The following HERC4 variants were observed in gnomAD, a reference collection of about 807,000 sequenced individuals.
The protein encoded by HERC4 is HECT and RLD domain containing E3 ubiquitin protein ligase 4.
Under a neutral mutation model 124.3 loss-of-function variants are expected in HERC4, and 28 were observed. The observed-to-expected ratio is 0.23, with a 90% CI of 0.17 to 0.31. The LOEUF (loss-of-function observed/expected upper bound fraction) is 0.31, where lower values mean the gene tolerates loss of function less well. Among genes scored for constraint, HERC4 ranks in the 10% least tolerant of loss-of-function variants. The pLI is 1.00. For synonymous variants in HERC4, 407 were observed against 421.5 expected (o/e 0.97, Z 0.42); for missense variants, 713 against 1,229.3 (o/e 0.58, Z 6.28).
At chr10:68,043,985 C>T (rs2039899955) in intron 4 of HERC4, among the ~76,000 whole-genome samples, 1 of 151,992 alleles carries the variant, frequency 6.6e-6, no homozygotes, top group Non-Finnish European at 1.5e-5. Flanking sequence ...TTACAGTAAG[C>T]ATGTTGGACT....
chr10:68,028,090 G>A (rs561784523), intron 7 of HERC4, among the ~76,000 whole-genome samples: 2 of 149,786 alleles, frequency 1.3e-5, no homozygotes, highest in East Asian at 3.9e-4. Flanking sequence ...ATTTCATCAG[G>A]GAGTGTAAAA....
intron 3 of HERC4, among the ~76,000 whole-genome samples, chr10:68,053,769 GT>G (rs1402787433): frequency 2.0e-5 from 3 of 152,196 alleles, no homozygotes; most frequent in African/African-American, 7.2e-5. Context: ...GTATTTGGCA[GT>G]TCTGTGAATG....
chr10:68,037,527 T>A (rs566444382), intron 5 of HERC4, among the ~76,000 whole-genome samples: 1 of 152,328 alleles, frequency 6.6e-6, no homozygotes, highest in East Asian at 1.9e-4. Context: ...ATAAATATGA[T>A]GTTTAGCCTT....
At chr10:68,010,283 G>T (rs2037864019) in intron 9 of HERC4, 2 of 983,854 alleles carry the variant, frequency 2.0e-6, no homozygotes, top group African/African-American at 3.2e-5. Flanking sequence ...GCAGTGCAGT[G>T]CAATGAGGGC....
intron 19 of HERC4, among the ~76,000 whole-genome samples, chr10:67,942,625 G>A (rs1370446818): frequency 6.6e-6 from 1 of 151,896 alleles, no homozygotes; most frequent in East Asian, 1.9e-4. Flanking sequence ...GATTCTCCTG[G>A]CTCAGCCTCC....
chr10:67,992,139 T>G, intron 11 of HERC4, 60 bp downstream of exon 11: 2 of 1,526,632 alleles, frequency 1.3e-6, no homozygotes, highest in East Asian at 4.6e-5. Flanking sequence ...TCAGGCAATC[T>G]GCCTGGTGCT....
chr10:67,972,591 T>C lies in HERC4; in HGVS notation c.1807-5789A>G, dbSNP rs559305068. ...GTACTAGCAACAAATAATTGGAAAATAAAAATTTTAAAAATCATTTACAAT... is the reference window on the plus strand; with the variant it reads ...GTACTAGCAACAAATAATTGGAAAACAAAAATTTTAAAAATCATTTACAAT... On this transcript the variant is annotated intron_variant, in intron 15 of 24. Transcript: ENST00000373700. Among the ~76,000 whole-genome samples the C allele has an allele frequency of 7.3e-5, 5 of 68,452 alleles. No individual in the cohort carries two copies. The South Asian group carries it at 2.2e-3, about 30-fold the overall frequency. 44.9% of individuals were successfully genotyped at this position (68,452 alleles called of 152,430 possible).
intron 11 of HERC4, among the ~76,000 whole-genome samples, chr10:67,991,846 A>T (rs1213907576): frequency 6.6e-6 from 1 of 152,230 alleles, no homozygotes; most frequent in African/African-American, 2.4e-5. Context: ...ATCTCTATGC[A>T]CATGAAAGAA....
rs1379902107 is a variant in HERC4, at chr10:67,936,250, T to G, written c.2572-15A>C. On this transcript the variant is annotated splice_polypyrimidine_tract_variant and intron_variant, in intron 21 of 24. Transcript: ENST00000373700. ...TCAACTGTGATCTATTAATTTAAAT[T>G]TTTAAAAAAAGTCAATGTCAGACTC... 2.0e-6 allele frequency: 3 copies of G among 1,530,384 alleles called. No homozygotes were observed. The highest frequency in any genetic ancestry group is 2.7e-6 in the Non-Finnish European group (3 of 1,126,590). The allele number at this position is 1,530,384 out of a possible 1,614,324, so 94.8% of individuals were successfully genotyped here. A position where few individuals can be genotyped will look rare whatever the true frequency, so the allele number is the denominator to read the frequency against.
intron 19 of HERC4, among the ~76,000 whole-genome samples, chr10:67,952,681 A>G (rs1183082646): frequency 1.3e-5 from 2 of 151,892 alleles, no homozygotes; most frequent in African/African-American, 4.8e-5. Flanking sequence ...GGTGGATCAC[A>G]AGGTCAGGAG....
chr10:67,931,032 C>G (rs2031740424), intron 23 of HERC4, among the ~76,000 whole-genome samples: 1 of 152,052 alleles, frequency 6.6e-6, no homozygotes. Flanking sequence ...GTTGCCTGGG[C>G]TGGAGTGCAG....
chr10:67,988,870 AT>A (rs1463239435), intron 14 of HERC4, 35 bp from the exon 15 acceptor site: 2 of 1,528,856 alleles, frequency 1.3e-6, no homozygotes, highest in South Asian at 1.2e-5. Context: ...AATAAAATGA[AT>A]TTTTTAAAAA....
chr10:68,022,500 A>AAAATAAATAAATAAATAAAT (rs34560535), intron 8 of HERC4, among the ~76,000 whole-genome samples: 2 of 143,916 alleles, frequency 1.4e-5, no homozygotes, highest in Non-Finnish European at 3.0e-5. Flanking sequence ...ACTCCATCTC[A>AAAATAAATAAATAAATAAAT]AAATAAATAA....
chr10:67,973,850 G>A (rs970889422), intron 15 of HERC4, among the ~76,000 whole-genome samples: 2 of 151,842 alleles, frequency 1.3e-5, no homozygotes, highest in Non-Finnish European at 2.9e-5. Context: ...GCAAGAGATC[G>A]AGACCATTCA....
chr10:68,048,609 T>G (rs1385394742), intron 3 of HERC4, among the ~76,000 whole-genome samples: 4 of 152,158 alleles, frequency 2.6e-5, no homozygotes, highest in African/African-American at 9.7e-5. Flanking sequence ...TCTGTTAAAA[T>G]CCATTTAATG....
At chr10:67,938,584 A>T (rs993521311) in intron 21 of HERC4, among the ~76,000 whole-genome samples, 1 of 152,146 alleles carries the variant, frequency 6.6e-6, no homozygotes, top group Admixed American at 6.5e-5. Context: ...TTATTTAATT[A>T]CCAACTAGTC....
intron 3 of HERC4, among the ~76,000 whole-genome samples, chr10:68,057,945 C>G (rs755500731): frequency 2.0e-5 from 3 of 152,116 alleles, no homozygotes; most frequent in Admixed American, 6.5e-5. Flanking sequence ...AGGCAATCCG[C>G]CTGCCTTGGC....
intron 21 of HERC4, among the ~76,000 whole-genome samples, chr10:67,937,228 T>C (rs2032443056): frequency 6.6e-6 from 1 of 152,054 alleles, no homozygotes; most frequent in Non-Finnish European, 1.5e-5. Context: ...GTAAGGTATA[T>C]TAAAAAAAAT....
chr10:68,042,347 G>A (rs527942257), intron 4 of HERC4, among the ~76,000 whole-genome samples: 104 of 152,290 alleles, frequency 6.8e-4, no homozygotes, highest in African/African-American at 2.4e-3. Context: ...ACACTAGGCA[G>A]GACACAGTGG....
Sources: allele counts gnomAD v4.1 joint callset (sites outside exome capture counted in the v4.1 genomes callset), GRCh38; gene constraint gnomAD v4.1.1; transcripts MANE v1.5; gene names NCBI Gene and HGNC (gene_info 2026-07-23, HGNC 2026-07-21).